CPNE4: variants seen among roughly 807,000 people sequenced by gnomAD.
The protein encoded by CPNE4 is copine 4.
Under a neutral mutation model 67.9 loss-of-function variants are expected in CPNE4, and 25 were observed. The ratio of observed to expected loss-of-function variants is 0.37; its 90% CI spans 0.27 to 0.51. The LOEUF is 0.51. CPNE4 is among the 20% of genes least tolerant of loss of function. CPNE4 has a pLI of 0.93. For missense variants in CPNE4, 464 were observed against 690.8 expected (o/e 0.67, Z 3.68); for synonymous variants, 242 against 244.9 (o/e 0.99, Z 0.11).
chr3:131,978,035 G>C (rs915979772), intron 1 of CPNE4, among the ~76,000 whole-genome samples: 2 of 112,666 alleles, frequency 1.8e-5, no homozygotes, highest in African/African-American at 7.4e-5. Context: ...TGGCTGCATA[G>C]TATTCCATCA....
chr3:131,628,886 T>C lies in CPNE4; in HGVS notation c.681+40789A>G, dbSNP rs531191236. ...CATTGATTTTTTGAAGGGTTTTTTG[T>C]GTCTCTATCTCCTTCAGTTCTGCTC... On this transcript the variant is annotated intron_variant, in intron 7 of 15. Coordinates refer to ENST00000429747, the MANE Select transcript of CPNE4 (RefSeq NM_130808.3). Among the ~76,000 whole-genome samples the C allele has an allele frequency of 7.3e-5, 11 of 151,452 alleles. No homozygotes were observed. In the South Asian group the frequency reaches 1.5e-3, roughly 20 times the overall value.
intron 3 of CPNE4, among the ~76,000 whole-genome samples, chr3:131,704,226 G>A (rs2081368083): frequency 6.6e-6 from 1 of 152,142 alleles, no homozygotes; most frequent in Admixed American, 6.6e-5. Context: ...AGAGCTGGTA[G>A]GGCTTCCAAC....
At position 131,535,094 on chromosome 3, in the gene CPNE4, A is replaced by C. The variant is rs970333537; in HGVS notation, c.*101T>G. 1 of 1,247,056 alleles carries C rather than the reference A, an allele frequency of 8.0e-7. No homozygotes were observed. Among genetic ancestry groups the C allele is most frequent in the Admixed American group, 2.6e-5 (1 of 38,522 alleles). The allele number at this position is 1,247,056 out of a possible 1,614,324, so 77.2% of individuals were successfully genotyped here. On this transcript the variant is annotated 3_prime_UTR_variant, in exon 16 of 16. Transcript: ENST00000429747. ...CAAAACGTGCTATTTTTAAATGTGT[A>C]TATGTTGTTGGTTTTTTAAAGTACA...
At position 131,877,895 on chromosome 3, in the gene CPNE4, A is replaced by G. The variant is rs1206326871; in HGVS notation, c.180+27369T>C. On this transcript the variant is annotated intron_variant, in intron 2 of 15. Coordinates refer to ENST00000429747, the MANE Select transcript of CPNE4 (RefSeq NM_130808.3). ...AATATATAAAACTGTCCATCTTCTTATTCATAAAAGGTATGCAGATTAAAA... is the reference window on the plus strand; with the variant it reads ...AATATATAAAACTGTCCATCTTCTTGTTCATAAAAGGTATGCAGATTAAAA... Among the ~76,000 whole-genome samples the G allele has an allele frequency of 2.6e-5, 4 of 152,326 alleles. No individual in the cohort carries two copies. In the East Asian group the frequency reaches 7.7e-4, roughly 29 times the overall value.
chr3:131,599,764 A>C (rs1939098438), intron 7 of CPNE4, among the ~76,000 whole-genome samples: 1 of 152,166 alleles, frequency 6.6e-6, no homozygotes, highest in Non-Finnish European at 1.5e-5. Context: ...AGATGGGTCC[A>C]GGAAAAAAGA....
chr3:131,806,484 T>C (rs1450484691), intron 2 of CPNE4, among the ~76,000 whole-genome samples: 1 of 144,126 alleles, frequency 6.9e-6, no homozygotes, highest in African/African-American at 2.6e-5. Context: ...CGGGAGGCGG[T>C]GCTTGCAGTG....
chr3:131,929,216 A>C, intron 1 of CPNE4, among the ~76,000 whole-genome samples: 1 of 129,114 alleles, frequency 7.7e-6, no homozygotes, highest in Non-Finnish European at 1.7e-5. Context: ...AAAAAAAAAA[A>C]AAGATTTTCA....
At chr3:131,814,866 A>C (rs1297618828) in intron 2 of CPNE4, among the ~76,000 whole-genome samples, 2 of 136,238 alleles carry the variant, frequency 1.5e-5, no homozygotes, top group Non-Finnish European at 2.9e-5. Flanking sequence ...GGCCTCCCAA[A>C]GTGCTGGGAT....
At chr3:131,588,873 A>G (rs1164465122) in intron 7 of CPNE4, among the ~76,000 whole-genome samples, 1 of 152,050 alleles carries the variant, frequency 6.6e-6, no homozygotes, top group African/African-American at 2.4e-5. Context: ...CTGCATTACT[A>G]CAACAGTCTC....
chr3:131,753,995 C>T (rs2082692825), intron 2 of CPNE4, among the ~76,000 whole-genome samples: 1 of 152,072 alleles, frequency 6.6e-6, no homozygotes, highest in Admixed American at 6.6e-5. Context: ...AACTATACCA[C>T]TGTTTTTAGT....
intron 11 of CPNE4, among the ~76,000 whole-genome samples, chr3:131,562,885 A>G (rs1232959537): frequency 1.3e-5 from 2 of 152,052 alleles, no homozygotes; most frequent in African/African-American, 4.8e-5. Context: ...TAAAATAACT[A>G]TTGACTTTTT....
At chr3:131,737,556 T>C (rs11922487) in intron 2 of CPNE4, among the ~76,000 whole-genome samples, 39,538 of 152,044 alleles carry the variant, frequency 0.26, 5,375 homozygotes, top group Non-Finnish European at 0.3. Context: ...ATCAAGTGAT[T>C]GATGTTTATT....
At chr3:131,604,644 C>T (rs2174052) in intron 7 of CPNE4, among the ~76,000 whole-genome samples, 2,967 of 152,206 alleles carry the variant, frequency 0.019, 89 homozygotes, top group African/African-American at 0.068. Flanking sequence ...TTCCTGCCCT[C>T]GAACATCGGA....
chr3:131,735,540 G>A (rs1029090013), intron 2 of CPNE4, among the ~76,000 whole-genome samples: 1 of 152,176 alleles, frequency 6.6e-6, no homozygotes, highest in Non-Finnish European at 1.5e-5. Flanking sequence ...GCAAATAAAT[G>A]TGTTAGGTTT....
At chr3:131,840,774 T>C (rs2085746687) in intron 2 of CPNE4, among the ~76,000 whole-genome samples, 1 of 152,174 alleles carries the variant, frequency 6.6e-6, no homozygotes. Context: ...TTTCTGGTAA[T>C]AGTTATATAA....
chr3:131,798,054 A>C (rs935364974), intron 2 of CPNE4, among the ~76,000 whole-genome samples: 47 of 152,092 alleles, frequency 3.1e-4, no homozygotes, highest in African/African-American at 1.1e-3. Flanking sequence ...TCTTTCTTAT[A>C]AGGGCACCAG....
chr3:131,786,810 C>A (rs2107868354), intron 2 of CPNE4, among the ~76,000 whole-genome samples: 1 of 152,248 alleles, frequency 6.6e-6, no homozygotes, highest in Non-Finnish European at 1.5e-5. Context: ...ATAGTGTGCT[C>A]TGTAAATATT....
chr3:131,580,082 C>T (rs78519478), intron 9 of CPNE4, among the ~76,000 whole-genome samples: 1,956 of 152,208 alleles, frequency 0.013, 25 homozygotes, highest in Non-Finnish European at 0.019. Flanking sequence ...AAAGTTACCT[C>T]AGCCACCCCA....
intron 7 of CPNE4, among the ~76,000 whole-genome samples, chr3:131,658,905 T>C (rs1215695751): frequency 6.6e-6 from 1 of 152,284 alleles, no homozygotes; most frequent in East Asian, 1.9e-4. Context: ...AACATTCTGG[T>C]TTAATGTTTA....
Sources: allele counts gnomAD v4.1 joint callset (sites outside exome capture counted in the v4.1 genomes callset), GRCh38; gene constraint gnomAD v4.1.1; transcripts MANE v1.5; gene names NCBI Gene and HGNC (gene_info 2026-07-23, HGNC 2026-07-21).